Variants in CRLF3 observed in about 807,000 individuals in gnomAD.
CRLF3 encodes cytokine receptor-like factor 3.
CRLF3 carries 33 observed loss-of-function variants against 55.0 expected under a neutral mutation model. That is an observed-to-expected ratio of 0.60 (90% CI 0.46 to 0.80). The LOEUF (loss-of-function observed/expected upper bound fraction) is 0.80, where lower values mean the gene tolerates loss of function less well. Ranked by LOEUF, CRLF3 falls within the 30% of genes least tolerant of loss-of-function variation. The pLI is 0.00. For synonymous variants in CRLF3, 238 were observed against 196.8 expected (o/e 1.21, Z -1.75); for missense variants, 494 against 538.4 (o/e 0.92, Z 0.82).
At chr17:30,802,284 G>A (rs1363959490) in intron 2 of CRLF3, among the ~76,000 whole-genome samples, 2 of 151,824 alleles carry the variant, frequency 1.3e-5, no homozygotes, top group Non-Finnish European at 2.9e-5. Context: ...TGCCACGCCC[G>A]GCTATTTTTG....
chr17:30,803,697 G>T, intron 2 of CRLF3: 1 of 569,708 alleles, frequency 1.8e-6, no homozygotes, highest in Non-Finnish European at 3.1e-6. Context: ...AACCCCTTTC[G>T]CTTGGCTCTC....
intron 1 of CRLF3, among the ~76,000 whole-genome samples, chr17:30,805,989 C>CTCTA (rs1269541143): frequency 3.3e-5 from 5 of 152,132 alleles, no homozygotes; most frequent in Non-Finnish European, 5.9e-5. Context: ...CACCACTGCA[C>CTCTA]TCTAGCTTGG....
rs1195827707 is a variant in CRLF3, at chr17:30,824,505, T to G, written c.129+18A>C. 6.3e-7 allele frequency: 1 copy of G among 1,578,768 alleles called. No homozygotes were observed. The highest frequency in any genetic ancestry group is 8.6e-7 in the Non-Finnish European group (1 of 1,168,222). On this transcript the variant is annotated intron_variant, in intron 1 of 7. Transcript: ENST00000324238. ...CACCCCCGGGCCCACAGCGCCCCTGTGGGTGTGGCCCTCCGACCTGCCTCC... is the reference window on the plus strand; with the variant it reads ...CACCCCCGGGCCCACAGCGCCCCTGGGGGTGTGGCCCTCCGACCTGCCTCC...
intron 1 of CRLF3, among the ~76,000 whole-genome samples, chr17:30,807,143 C>T (rs548327083): frequency 4.8e-4 from 73 of 151,980 alleles, no homozygotes; most frequent in Non-Finnish European, 7.8e-4. Context: ...TAAGCCACTC[C>T]GATAAGTTAA....
In CRLF3 at chr17:30,785,998, A is replaced by C. The variant is rs34756112; in HGVS notation, c.993T>G (p.Asp331Glu). The C allele has an allele frequency of 7.4e-6, 12 of 1,611,516 alleles. No homozygotes were observed. The highest frequency in any genetic ancestry group is 1.0e-5 in the Non-Finnish European group (12 of 1,178,008). The stretch of plus-strand genomic sequence containing the variant: ...GTTTTTCTGCACACACTCCTATGCT[A>C]TCTCTTCTGTCTGGCTGTCCCACAG... The part of the protein sequence containing the change: ...VETVGQPDRR[D>E]SIGVCAEKQD... The change falls in exon 7 of 8, where the codon GAT becomes GAG. Residue 331 changes from aspartate to glutamate, a missense_variant. Transcript: ENST00000324238.
intron 1 of CRLF3, among the ~76,000 whole-genome samples, chr17:30,818,071 T>G (rs1418755061): frequency 6.7e-6 from 1 of 150,090 alleles, no homozygotes; most frequent in African/African-American, 2.5e-5. Context: ...AGACCAGCCT[T>G]CACCATGGTG....
At chr17:30,824,431 G>C in intron 1 of CRLF3, 92 bp downstream of exon 1, 2 of 1,305,042 alleles carry the variant, frequency 1.5e-6, no homozygotes, top group Middle Eastern at 1.9e-4. Flanking sequence ...AGAGTTTTCG[G>C]ACAGTCCCAC....
intron 1 of CRLF3, among the ~76,000 whole-genome samples, chr17:30,820,851 A>C (rs953438027): frequency 6.6e-6 from 1 of 150,426 alleles, no homozygotes; most frequent in African/African-American, 2.4e-5. Context: ...AAAAGGAAGA[A>C]ACTGTCTGGG....
chr17:30,812,002 C>T (rs920243404), intron 1 of CRLF3, among the ~76,000 whole-genome samples: 5 of 150,854 alleles, frequency 3.3e-5, no homozygotes, highest in African/African-American at 9.8e-5. Context: ...CCCAGCTACT[C>T]GGGAGGCTGA....
rs1971898671 is a variant in CRLF3 at position 30,795,432 on chromosome 17, G to A, written c.603+728C>T. Among the ~76,000 whole-genome samples the A allele has an allele frequency of 2.0e-5, 3 of 151,086 alleles. No individual in the cohort carries two copies. In the South Asian group the frequency reaches 6.3e-4, roughly 32 times the overall value. ...GATTGCTTGAACCCGGGAGACGGAG[G>A]TTGTGGTGAGCCAAGATCGTGCCAT... On this transcript the variant is annotated intron_variant, in intron 4 of 7. Transcript: ENST00000324238.
intron 1 of CRLF3, among the ~76,000 whole-genome samples, chr17:30,810,223 T>C (rs981178236): frequency 2.6e-5 from 4 of 152,212 alleles, no homozygotes; most frequent in African/African-American, 9.6e-5. Flanking sequence ...TATTTTGAAA[T>C]AATCTGCCAC....
At chr17:30,808,514 CT>C (rs958001111) in intron 1 of CRLF3, among the ~76,000 whole-genome samples, 6 of 152,018 alleles carry the variant, frequency 3.9e-5, no homozygotes, top group African/African-American at 1.4e-4. Context: ...TCTCGAACTC[CT>C]GACCTCAGGT....
At chr17:30,792,803 C>G in intron 5 of CRLF3, 1 of 407,376 alleles carries the variant, frequency 2.5e-6, no homozygotes, top group Non-Finnish European at 4.5e-6. Flanking sequence ...AGTGTTATCT[C>G]TTATCTAATA....
intron 1 of CRLF3, among the ~76,000 whole-genome samples, chr17:30,823,435 A>G (rs1905054284): frequency 6.6e-6 from 1 of 151,816 alleles, no homozygotes; most frequent in Non-Finnish European, 1.5e-5. Context: ...TATAAAACCC[A>G]AAACATGTTG....
intron 3 of CRLF3, among the ~76,000 whole-genome samples, chr17:30,796,800 T>C (rs1971925210): frequency 6.7e-6 from 1 of 150,360 alleles, no homozygotes; most frequent in Admixed American, 6.7e-5. Context: ...CTCAGCTCAC[T>C]GCAACCTCCA....
intron 6 of CRLF3, among the ~76,000 whole-genome samples, chr17:30,790,356 A>AG (rs1398512676): frequency 6.6e-6 from 1 of 152,174 alleles, no homozygotes; most frequent in Non-Finnish European, 1.5e-5. Context: ...GTTTCTACGA[A>AG]GAGCTATTCA....
intron 4 of CRLF3, 119 bp from the exon 5 acceptor site, chr17:30,793,791 T>TG (rs1390401258): frequency 4.7e-6 from 3 of 636,674 alleles, no homozygotes; most frequent in Non-Finnish European, 8.3e-6. Context: ...ATGCTGAATA[T>TG]GGGGTATTCT....
At position 30,793,623 on chromosome 17, in the gene CRLF3, C is replaced by T; in HGVS notation, c.653G>A (p.Cys218Tyr). The change falls in exon 5 of 8, where the codon TGT becomes TAT. Residue 218 changes from cysteine to tyrosine, a missense_variant. Transcript: ENST00000324238. Reference protein sequence around the residue: ...AQDYRLQFRKCTSNHFEDVYV... With the variant: ...AQDYRLQFRKYTSNHFEDVYV... ...TACATCCTCAAAATGATTTGAAGTA[C>T]ATTTACGAAACTGGAGCCTGTAATC... is the stretch of plus-strand genomic sequence containing the variant. 1 of 1,613,994 alleles carries T rather than the reference C, an allele frequency of 6.2e-7. No individual in the cohort carries two copies. Among genetic ancestry groups the T allele is most frequent in the Non-Finnish European group, 8.5e-7 (1 of 1,179,970 alleles).
At chr17:30,790,605 GCTT>G (rs1971771968) in intron 6 of CRLF3, 2 of 80,838 alleles carry the variant, frequency 2.5e-5, no homozygotes, top group Non-Finnish European at 2.4e-5. Context: ...AAATTTTTTT[GCTT>G]TTTTTTTTTT....
Sources: allele counts gnomAD v4.1 joint callset (sites outside exome capture counted in the v4.1 genomes callset), GRCh38; gene constraint gnomAD v4.1.1; transcripts MANE v1.5; gene names NCBI Gene and HGNC (gene_info 2026-07-23, HGNC 2026-07-21).